TBC1D22A: variants seen among roughly 807,000 people sequenced by gnomAD.
TBC1D22A encodes the protein TBC1 domain family member 22A.
A neutral mutation model predicts 60.2 loss-of-function variants in TBC1D22A; 38 were observed. The observed-to-expected ratio is 0.63, with a 90% CI of 0.49 to 0.83. The LOEUF (loss-of-function observed/expected upper bound fraction) is 0.83. Among genes scored for constraint, TBC1D22A ranks in the 40% least tolerant of loss-of-function variants. TBC1D22A has a pLI of 0.00. For missense variants in TBC1D22A, 628 were observed against 701.0 expected (o/e 0.90, Z 1.18); for synonymous variants, 302 against 281.7 (o/e 1.07, Z -0.72).
chr22:47,102,748 T>C (rs1250669037), intron 11 of TBC1D22A, among the ~76,000 whole-genome samples: 2 of 152,090 alleles, frequency 1.3e-5, no homozygotes, highest in Non-Finnish European at 2.9e-5. Flanking sequence ...GCCTTACTAA[T>C]TCAGAGTAGG....
At chr22:47,039,935 CTTT>C (rs570751261) in intron 11 of TBC1D22A, among the ~76,000 whole-genome samples, 18 of 77,294 alleles carry the variant, frequency 2.3e-4, no homozygotes, top group African/African-American at 1.1e-3. Context: ...GTGCCACAGC[CTTT>C]TTTTTTTTTT....
At chr22:46,785,076 C>T (rs910015065) in intron 1 of TBC1D22A, among the ~76,000 whole-genome samples, 1 of 152,192 alleles carries the variant, frequency 6.6e-6, no homozygotes, top group Non-Finnish European at 1.5e-5. Flanking sequence ...ATCTTTTTCC[C>T]ACCCCCTGGC....
chr22:46,917,712 C>T (rs528629632), intron 8 of TBC1D22A, among the ~76,000 whole-genome samples: 6 of 152,132 alleles, frequency 3.9e-5, no homozygotes, highest in Non-Finnish European at 5.9e-5. Context: ...GAAATGGCTG[C>T]TGACAGTCGC....
chr22:47,021,273 C>T (rs1489180820), intron 10 of TBC1D22A, among the ~76,000 whole-genome samples: 1 of 137,110 alleles, frequency 7.3e-6, no homozygotes. Flanking sequence ...TAGCAGAACC[C>T]CACCTGTAGC....
chr22:47,145,110 C>A (rs866166618), intron 12 of TBC1D22A, among the ~76,000 whole-genome samples: 3 of 152,344 alleles, frequency 2.0e-5, no homozygotes, highest in Middle Eastern at 3.4e-3. Context: ...CTGGCAAGGG[C>A]AGGGCTGTTC....
intron 11 of TBC1D22A, among the ~76,000 whole-genome samples, chr22:47,084,498 C>T (rs139022868): frequency 1.3e-5 from 2 of 152,158 alleles, no homozygotes; most frequent in Non-Finnish European, 2.9e-5. Flanking sequence ...CTGTGCTTAA[C>T]GAGCCCTCCA....
At position 47,037,313 on chromosome 22, in the gene TBC1D22A, T is replaced by G. The variant is rs149632900; in HGVS notation, c.1329+115T>G. The G allele has an allele frequency of 1.7e-4, 238 of 1,403,820 alleles. 1 individual carries two copies. In the African/African-American group the frequency reaches 2.9e-3, roughly 17 times the overall value. 87.0% of individuals were successfully genotyped at this position (1,403,820 alleles called of 1,614,324 possible). A position where few individuals can be genotyped will look rare whatever the true frequency, so the allele number is the denominator to read the frequency against. Reference sequence around the variant, plus strand: ...TCGATTTTTTCTTCCAAGCGCTCTCTCCATTGAAATGCGGTCTTTAAAAAG... The same window carrying G: ...TCGATTTTTTCTTCCAAGCGCTCTCGCCATTGAAATGCGGTCTTTAAAAAG... On this transcript the variant is annotated intron_variant, in intron 11 of 12. Transcript: ENST00000337137.
chr22:46,883,316 A>G (rs2147528217), intron 5 of TBC1D22A, among the ~76,000 whole-genome samples: 1 of 152,358 alleles, frequency 6.6e-6, no homozygotes, highest in Non-Finnish European at 1.5e-5. Context: ...ATTGTTTTAC[A>G]TTTATGATGA....
intron 10 of TBC1D22A, among the ~76,000 whole-genome samples, chr22:47,024,623 A>G (rs1358965622): frequency 6.6e-6 from 1 of 152,068 alleles, no homozygotes; most frequent in Non-Finnish European, 1.5e-5. Context: ...GGAGACTGAC[A>G]CAGGAGGATT....
chr22:46,930,999 T>G (rs2071327457), intron 8 of TBC1D22A, among the ~76,000 whole-genome samples: 1 of 152,192 alleles, frequency 6.6e-6, no homozygotes, highest in African/African-American at 2.4e-5. Context: ...AGAAGGGATA[T>G]AGAGAGGTTA....
At chr22:47,079,974 C>G (rs904520720) in intron 11 of TBC1D22A, among the ~76,000 whole-genome samples, 1 of 152,136 alleles carries the variant, frequency 6.6e-6, no homozygotes, top group Non-Finnish European at 1.5e-5. Flanking sequence ...AGGCTGGCTA[C>G]ATTAATATCA....
intron 4 of TBC1D22A, among the ~76,000 whole-genome samples, chr22:46,836,479 G>T (rs539638767): frequency 1.3e-5 from 2 of 151,138 alleles, no homozygotes; most frequent in East Asian, 3.9e-4. Flanking sequence ...ACATACAGTT[G>T]ATATGGAAAA....
At chr22:47,000,582 C>T (rs944159772) in intron 10 of TBC1D22A, among the ~76,000 whole-genome samples, 5 of 152,108 alleles carry the variant, frequency 3.3e-5, no homozygotes, top group African/African-American at 1.2e-4. Context: ...GTGTGCTGGG[C>T]AGGGAGTAAA....
intron 11 of TBC1D22A, among the ~76,000 whole-genome samples, chr22:47,086,335 A>G (rs1307770936): frequency 5.3e-5 from 8 of 152,124 alleles, no homozygotes. Context: ...GGCGCCTGTA[A>G]TCCCAGCTAG....
intron 8 of TBC1D22A, among the ~76,000 whole-genome samples, chr22:46,956,968 A>G (rs187615858): frequency 1.9e-3 from 283 of 152,342 alleles, no homozygotes; most frequent in African/African-American, 6.4e-3. Flanking sequence ...AGAAACAAGG[A>G]ACCCAGGGAA....
chr22:46,855,392 C>G (rs2087517488), intron 4 of TBC1D22A, among the ~76,000 whole-genome samples: 1 of 152,180 alleles, frequency 6.6e-6, no homozygotes, highest in South Asian at 2.1e-4. Context: ...CCTTCCTCAG[C>G]ACCTCATCTG....
chr22:47,082,269 T>G (rs1248534952), intron 11 of TBC1D22A, among the ~76,000 whole-genome samples: 1 of 152,210 alleles, frequency 6.6e-6, no homozygotes, highest in Non-Finnish European at 1.5e-5. Flanking sequence ...TTCTAAAATT[T>G]ATGTGGAAAT....
intron 3 of TBC1D22A, among the ~76,000 whole-genome samples, chr22:46,795,956 C>T (rs2084631742): frequency 1.3e-5 from 2 of 152,156 alleles, no homozygotes; most frequent in South Asian, 4.1e-4. Context: ...AGAGGGGGCA[C>T]TGTCACCCAT....
intron 12 of TBC1D22A, among the ~76,000 whole-genome samples, chr22:47,136,803 G>A (rs977546479): frequency 6.5e-4 from 99 of 152,308 alleles, no homozygotes; most frequent in South Asian, 2.1e-4. Flanking sequence ...CCCTCAGAGC[G>A]GGAGCTGCCT....
Sources: allele counts gnomAD v4.1 joint callset (sites outside exome capture counted in the v4.1 genomes callset), GRCh38; gene constraint gnomAD v4.1.1; transcripts MANE v1.5; gene names NCBI Gene and HGNC (gene_info 2026-07-23, HGNC 2026-07-21).